Variants in EIPR1 observed in about 807,000 individuals in gnomAD.
The protein encoded by EIPR1 is EARP complex and GARP complex interacting protein 1.
EIPR1 carries 25 observed loss-of-function variants against 48.1 expected under a neutral mutation model. The observed-to-expected ratio is 0.52, with a 90% CI of 0.38 to 0.73. The LOEUF (loss-of-function observed/expected upper bound fraction) is 0.73. EIPR1 is among the 30% of genes least tolerant of loss of function. EIPR1 has a pLI of 0.00. For synonymous variants in EIPR1, 204 were observed against 201.9 expected (o/e 1.01, Z -0.09); for missense variants, 415 against 506.2 (o/e 0.82, Z 1.73).
chr2:3,194,024 TC>T lies in EIPR1; in HGVS notation c.795del (p.Lys266ArgfsTer49). 1 of 1,613,850 alleles carries T rather than the reference TC, an allele frequency of 6.2e-7. No individual in the cohort carries two copies. The highest frequency in any genetic ancestry group is 1.3e-5 in the African/African-American group (1 of 75,044). The stretch of plus-strand genomic sequence containing the variant: ...CAGTGGGAGTGCTCCTCCAGGGTCT[TC>T]ACGGGTTCGGTGACATTTCGGGTGT... ...FWDTRNVTEPVKTLEEHSHWV... is the reference protein window; with the variant it reads ...FWDTRNVTEPXKTLEEHSHWV... On this transcript the variant is annotated frameshift_variant, in exon 7 of 9. Transcript: ENST00000382125. LOFTEE classifies it high-confidence loss of function.
chr2:3,268,686 G>A lies in EIPR1; in HGVS notation c.260-11231C>T, dbSNP rs368057395. Among the ~76,000 whole-genome samples, 19 of 152,254 alleles carry A rather than the reference G, an allele frequency of 1.2e-4. No homozygotes were observed. The East Asian group carries it at 1.9e-3, about 15-fold the overall frequency. On this transcript the variant is annotated intron_variant, in intron 3 of 8. Transcript: ENST00000382125. Reference sequence around the variant, plus strand: ...CAGAAAGCACACTAGGACAGCGCGCGCAAGGGGCCTGTTGACCAGGAAGCT... The same window carrying A: ...CAGAAAGCACACTAGGACAGCGCGCACAAGGGGCCTGTTGACCAGGAAGCT...
intron 1 of EIPR1, among the ~76,000 whole-genome samples, chr2:3,375,026 T>C (rs1171138944): frequency 2.1e-4 from 31 of 147,588 alleles, no homozygotes; most frequent in Non-Finnish European, 3.9e-4. Flanking sequence ...GTGGCACATA[T>C]ACACCATGGA....
At chr2:3,352,940 TG>T (rs1670622856) in intron 2 of EIPR1, among the ~76,000 whole-genome samples, 1 of 152,208 alleles carries the variant, frequency 6.6e-6, no homozygotes, top group South Asian at 2.1e-4. Context: ...GAGGTTGCAG[TG>T]AGCTGAGATC....
At chr2:3,258,774 G>A (rs1667240764) in intron 3 of EIPR1, among the ~76,000 whole-genome samples, 1 of 152,066 alleles carries the variant, frequency 6.6e-6, no homozygotes, top group Admixed American at 6.6e-5. Context: ...TCCAAATTCA[G>A]TGACCATTTT....
intron 2 of EIPR1, among the ~76,000 whole-genome samples, chr2:3,352,938 A>G (rs1258461093): frequency 6.6e-6 from 1 of 152,228 alleles, no homozygotes; most frequent in Admixed American, 6.5e-5. Flanking sequence ...CGGAGGTTGC[A>G]GTGAGCTGAG....
In EIPR1 at chr2:3,229,630, T is replaced by A. The variant is rs188980367; in HGVS notation, c.417-15382A>T. Among the ~76,000 whole-genome samples, 236 of 152,382 alleles carry A rather than the reference T, an allele frequency of 1.5e-3. 1 individual carries two copies. Among genetic ancestry groups the A allele is most frequent in the African/African-American group, 4.9e-3 (205 of 41,586 alleles). On this transcript the variant is annotated intron_variant, in intron 4 of 8. Coordinates refer to ENST00000382125, the MANE Select transcript of EIPR1 (RefSeq NM_003310.5). ...TCAATTTTCAGTTCAACGTGATAGA[T>A]CTTTGCTTGTTTCATAAGCAGTATT...
At chr2:3,245,217 T>C (rs950948513) in intron 4 of EIPR1, among the ~76,000 whole-genome samples, 1 of 152,150 alleles carries the variant, frequency 6.6e-6, no homozygotes, top group African/African-American at 2.4e-5. Context: ...TGCATTGCAT[T>C]GTATTGTATT....
intron 4 of EIPR1, among the ~76,000 whole-genome samples, chr2:3,245,201 TTGC>T (rs1457173877): frequency 3.9e-5 from 6 of 152,106 alleles, no homozygotes; most frequent in South Asian, 2.1e-4. Flanking sequence ...TTGCGTTGCG[TTGC>T]GTTGCATTGC....
At chr2:3,356,247 C>CCT (rs1449605317) in intron 1 of EIPR1, among the ~76,000 whole-genome samples, 1 of 152,212 alleles carries the variant, frequency 6.6e-6, no homozygotes, top group African/African-American at 2.4e-5. Context: ...GCGCAAAGTG[C>CCT]CTCTGTTCAG....
chr2:3,278,765 A>G (rs1280210188), intron 3 of EIPR1, among the ~76,000 whole-genome samples: 3 of 152,138 alleles, frequency 2.0e-5, no homozygotes, highest in African/African-American at 7.2e-5. Context: ...CGGAAGATCA[A>G]GCAGATGGAA....
At chr2:3,322,545 A>G (rs1365587502) in intron 3 of EIPR1, among the ~76,000 whole-genome samples, 2 of 152,228 alleles carry the variant, frequency 1.3e-5, no homozygotes, top group Non-Finnish European at 2.9e-5. Context: ...TGGCAAAATC[A>G]CGGCAAAACT....
chr2:3,222,233 G>A (rs184638548), intron 4 of EIPR1, among the ~76,000 whole-genome samples: 49 of 152,354 alleles, frequency 3.2e-4, no homozygotes, highest in Admixed American at 2.1e-3. Flanking sequence ...TTTGCTCCAG[G>A]TGTGGAATAA....
At chr2:3,348,095 AC>A (rs1253583962) in intron 2 of EIPR1, among the ~76,000 whole-genome samples, 4 of 152,144 alleles carry the variant, frequency 2.6e-5, no homozygotes, top group Non-Finnish European at 5.9e-5. Flanking sequence ...CAAAGTTGTC[AC>A]CAATCAGAGG....
intron 2 of EIPR1, among the ~76,000 whole-genome samples, chr2:3,353,690 T>A (rs960242657): frequency 6.6e-6 from 1 of 152,232 alleles, no homozygotes; most frequent in African/African-American, 2.4e-5. Context: ...ATTAAGTATA[T>A]AAACATTTAT....
chr2:3,295,556 A>C (rs1361355647), intron 3 of EIPR1, among the ~76,000 whole-genome samples: 2 of 69,278 alleles, frequency 2.9e-5, no homozygotes, highest in East Asian at 4.6e-4. Context: ...CATCCAGCCC[A>C]TCCTCTCTCC....
chr2:3,318,269 C>T (rs1043855461), intron 3 of EIPR1, among the ~76,000 whole-genome samples: 24 of 152,216 alleles, frequency 1.6e-4, no homozygotes, highest in Non-Finnish European at 3.4e-4. Context: ...TCAAATTGGG[C>T]TTTGTCTAAG....
intron 1 of EIPR1, among the ~76,000 whole-genome samples, chr2:3,376,412 G>A (rs1487338959): frequency 6.6e-6 from 1 of 152,092 alleles, no homozygotes; most frequent in African/African-American, 2.4e-5. Context: ...ACAGACATTG[G>A]CCAGGTGCGG....
At chr2:3,208,891 C>T in intron 5 of EIPR1, 1 of 1,549,058 alleles carries the variant, frequency 6.5e-7, no homozygotes, top group African/African-American at 1.4e-5. Flanking sequence ...CACAAGGCCT[C>T]CAGCCTGGGA....
At chr2:3,331,269 G>T (rs1158453326) in intron 3 of EIPR1, among the ~76,000 whole-genome samples, 4 of 104,532 alleles carry the variant, frequency 3.8e-5, no homozygotes, top group Admixed American at 8.5e-5. Flanking sequence ...ATGAGATGGT[G>T]TGAGCAGAGG....
Sources: allele counts gnomAD v4.1 joint callset (sites outside exome capture counted in the v4.1 genomes callset), GRCh38; gene constraint gnomAD v4.1.1; transcripts MANE v1.5; gene names NCBI Gene and HGNC (gene_info 2026-07-23, HGNC 2026-07-21).